Variants in TCEA3 observed in about 807,000 individuals in gnomAD.
TCEA3 encodes transcription elongation factor A3.
Under a neutral mutation model 44.0 loss-of-function variants are expected in TCEA3, and 36 were observed. The ratio of observed to expected loss-of-function variants is 0.82; its 90% CI spans 0.63 to 1.08. The LOEUF (loss-of-function observed/expected upper bound fraction) is 1.08. Among genes scored for constraint, TCEA3 ranks in the 50% least tolerant of loss-of-function variants. The pLI is 0.00. For synonymous variants in TCEA3, 162 were observed against 159.7 expected (o/e 1.01, Z -0.11); for missense variants, 392 against 441.2 (o/e 0.89, Z 1.00).
intron 7 of TCEA3, among the ~76,000 whole-genome samples, chr1:23,395,530 A>G (rs951318998): frequency 6.6e-6 from 1 of 152,190 alleles, no homozygotes; most frequent in African/African-American, 2.4e-5. Flanking sequence ...TCTCCTTTAG[A>G]AGAGGGACAT....
chr1:23,408,418 T>C (rs1446940497), intron 5 of TCEA3: 3 of 417,956 alleles, frequency 7.2e-6, no homozygotes, highest in African/African-American at 2.0e-5. Flanking sequence ...GATGGATGAA[T>C]GAATAAATGA....
At chr1:23,423,436 C>A (rs957848889) in intron 1 of TCEA3, among the ~76,000 whole-genome samples, 15 of 152,204 alleles carry the variant, frequency 9.9e-5, no homozygotes, top group African/African-American at 3.4e-4. Context: ...TATATGGACA[C>A]CAACTCATGA....
intron 8 of TCEA3, among the ~76,000 whole-genome samples, chr1:23,389,768 C>G (rs1638965756): frequency 6.6e-6 from 1 of 152,176 alleles, no homozygotes; most frequent in African/African-American, 2.4e-5. Flanking sequence ...TTGTCAGCTT[C>G]CATGGGACAA....
chr1:23,405,691 C>A (rs1473939186), intron 5 of TCEA3, among the ~76,000 whole-genome samples: 2 of 152,082 alleles, frequency 1.3e-5, no homozygotes, highest in African/African-American at 4.8e-5. Context: ...TCTGGAAGGA[C>A]AAACAGATTC....
intron 5 of TCEA3, among the ~76,000 whole-genome samples, chr1:23,408,358 A>T (rs984941726): frequency 6.6e-6 from 1 of 152,120 alleles, no homozygotes; most frequent in African/African-American, 2.4e-5. Context: ...CCAGTCAGCC[A>T]CCCCAGGGAA....
intron 10 of TCEA3, chr1:23,383,764 G>C (rs767592045): frequency 7.0e-5 from 69 of 985,616 alleles, no homozygotes; most frequent in Non-Finnish European, 8.2e-5. Context: ...GCAGGAAGGA[G>C]CACTCTGGGA....
intron 8 of TCEA3, 150 bp downstream of exon 8, chr1:23,393,729 G>T: frequency 9.4e-7 from 1 of 1,060,832 alleles, no homozygotes; most frequent in Non-Finnish European, 1.3e-6. Context: ...TATCCTGCTA[G>T]TCCAGAGCCC....
intron 9 of TCEA3, 111 bp from the exon 10 acceptor site, chr1:23,384,528 C>T: frequency 1.8e-6 from 2 of 1,095,142 alleles, no homozygotes; most frequent in Non-Finnish European, 2.6e-6. Flanking sequence ...ACTGAGATTC[C>T]CACCCCCCGC....
At chr1:23,386,975 C>T (rs1279196875) in intron 9 of TCEA3, among the ~76,000 whole-genome samples, 3 of 152,208 alleles carry the variant, frequency 2.0e-5, no homozygotes, top group Non-Finnish European at 4.4e-5. Flanking sequence ...CCGTCTTGGC[C>T]TCCCAAAGTG....
At chr1:23,417,495 A>G (rs1258139474) in intron 3 of TCEA3, 105 bp from the exon 4 acceptor site, 2 of 1,463,440 alleles carry the variant, frequency 1.4e-6, no homozygotes, top group Admixed American at 5.4e-5. Flanking sequence ...GGACAGCTGC[A>G]CACACACTCC....
chr1:23,423,832 G>A, intron 1 of TCEA3: 2 of 456,024 alleles, frequency 4.4e-6, no homozygotes, highest in South Asian at 1.5e-5. Context: ...AGGACCCTCC[G>A]GTAGGGCTGT....
At chr1:23,397,416 T>C in intron 7 of TCEA3, 129 bp downstream of exon 7, 1 of 776,708 alleles carries the variant, frequency 1.3e-6, no homozygotes, top group Non-Finnish European at 2.1e-6. Context: ...GAACTCTGGT[T>C]CAGGGGCAGA....
chr1:23,400,909 T>C (rs1473022889), intron 5 of TCEA3, among the ~76,000 whole-genome samples: 1 of 152,216 alleles, frequency 6.6e-6, no homozygotes, highest in Non-Finnish European at 1.5e-5. Context: ...GATCCACAGC[T>C]GCTTCTCATG....
chr1:23,394,469 A>C (rs1639158694), intron 7 of TCEA3, among the ~76,000 whole-genome samples: 1 of 152,168 alleles, frequency 6.6e-6, no homozygotes, highest in South Asian at 2.1e-4. Context: ...AGATGATGAC[A>C]AGGATGCGGA....
At chr1:23,399,665 A>C (rs1639340236) in intron 5 of TCEA3, among the ~76,000 whole-genome samples, 1 of 150,550 alleles carries the variant, frequency 6.6e-6, no homozygotes, top group African/African-American at 2.5e-5. Context: ...GCGATGTGAG[A>C]AACCTTTTTT....
intron 9 of TCEA3, 26 bp downstream of exon 9, chr1:23,387,247 C>T: frequency 6.2e-7 from 1 of 1,611,242 alleles, no homozygotes. Context: ...TCCTGCACCT[C>T]CGGCCCGTCC....
chr1:23,399,128 A>ATATATATG (rs1169516193), intron 5 of TCEA3, among the ~76,000 whole-genome samples: 2,034 of 86,740 alleles, frequency 0.023, 52 homozygotes, highest in Non-Finnish European at 0.036. Flanking sequence ...GGTTTTGTTT[A>ATATATATG]TATATATGTA....
chr1:23,399,615 C>T (rs1476077917), intron 5 of TCEA3, among the ~76,000 whole-genome samples: 1 of 151,896 alleles, frequency 6.6e-6, no homozygotes, highest in Non-Finnish European at 1.5e-5. Context: ...TTTGCTTATG[C>T]CTATTTGCTA....
chr1:23,419,192 C>G (rs933261232), intron 1 of TCEA3, 53 bp from the exon 2 acceptor site: 1 of 1,415,562 alleles, frequency 7.1e-7, no homozygotes, highest in East Asian at 2.4e-5. Context: ...CCAGGCTTCT[C>G]TGACTATTGT....
Sources: gnomAD v4.1 joint callset for allele counts (sites outside exome capture counted in the v4.1 genomes callset) on GRCh38, gnomAD v4.1.1 for gene constraint, MANE v1.5 for transcripts, NCBI Gene and HGNC (gene_info 2026-07-23, HGNC 2026-07-21) for gene names.